SGCZ: variants seen among roughly 807,000 people sequenced by gnomAD.
SGCZ encodes the protein zeta-sarcoglycan.
SGCZ carries 40 observed loss-of-function variants against 41.3 expected under a neutral mutation model. The observed-to-expected ratio is 0.97, with a 90% confidence interval of 0.75 to 1.26. SGCZ has a LOEUF of 1.26. SGCZ is among the 50% of genes most tolerant of loss of function. The pLI is 0.00. For synonymous variants in SGCZ, 206 were observed against 137.5 expected, an observed-to-expected ratio of 1.50 and a Z score of -3.49; for missense variants, 552 against 369.8, an observed-to-expected ratio of 1.49 and a Z score of -4.04.
At chr8:14,926,093 C>A (rs569392604) in intron 1 of SGCZ, among the ~76,000 whole-genome samples, 1 of 152,138 alleles carries the variant, frequency 6.6e-6, no homozygotes, top group Non-Finnish European at 1.5e-5. Flanking sequence ...ATGTATAGGA[C>A]AATCCCTAAG....
intron 5 of SGCZ, among the ~76,000 whole-genome samples, chr8:14,109,909 T>C (rs1167542981): frequency 1.3e-5 from 2 of 152,194 alleles, no homozygotes; most frequent in East Asian, 3.8e-4. Flanking sequence ...CTAAAAGCTA[T>C]TGGCATTTGT....
intron 1 of SGCZ, among the ~76,000 whole-genome samples, chr8:15,114,455 T>C (rs773649237): frequency 6.6e-6 from 1 of 152,216 alleles, no homozygotes; most frequent in Admixed American, 6.6e-5. Flanking sequence ...CATTCTCTCT[T>C]TACAAATGTA....
chr8:15,162,893 G>C (rs1799555491), intron 1 of SGCZ, among the ~76,000 whole-genome samples: 1 of 152,190 alleles, frequency 6.6e-6, no homozygotes, highest in African/African-American at 2.4e-5. Context: ...TGCAGAAACA[G>C]TCTAAATAAC....
intron 5 of SGCZ, among the ~76,000 whole-genome samples, chr8:14,114,637 G>T (rs1802470335): frequency 6.6e-6 from 1 of 151,822 alleles, no homozygotes; most frequent in South Asian, 2.1e-4. Context: ...AAGAGATAAG[G>T]AAAAAGACTG....
chr8:14,581,813 C>CT (rs1804899349), intron 1 of SGCZ, among the ~76,000 whole-genome samples: 1 of 151,796 alleles, frequency 6.6e-6, no homozygotes, highest in African/African-American at 2.4e-5. Context: ...CTGAAGTATA[C>CT]TACTTCAAAA....
At chr8:14,957,034 C>A (rs548543956) in intron 1 of SGCZ, among the ~76,000 whole-genome samples, 1 of 152,034 alleles carries the variant, frequency 6.6e-6, no homozygotes, top group African/African-American at 2.4e-5. Context: ...AAAAAAACAA[C>A]CCTGGAATTT....
intron 2 of SGCZ, among the ~76,000 whole-genome samples, chr8:14,343,616 A>G (rs923227654): frequency 6.6e-6 from 1 of 152,196 alleles, no homozygotes; most frequent in Non-Finnish European, 1.5e-5. Flanking sequence ...GTGCTCAGTC[A>G]GGGGAAGGGG....
chr8:15,233,624 A>G (rs1214159132), intron 1 of SGCZ, among the ~76,000 whole-genome samples: 4 of 152,092 alleles, frequency 2.6e-5, no homozygotes, highest in Admixed American at 6.5e-5. Flanking sequence ...GCAGAGAAAA[A>G]TGAAGCAACA....
At chr8:14,244,341 C>T (rs899060714) in intron 3 of SGCZ, among the ~76,000 whole-genome samples, 1 of 152,036 alleles carries the variant, frequency 6.6e-6, no homozygotes. Flanking sequence ...CAAGTCATAT[C>T]AAATTATTAT....
chr8:14,655,218 A>T (rs1396592700), intron 1 of SGCZ, among the ~76,000 whole-genome samples: 2 of 152,054 alleles, frequency 1.3e-5, no homozygotes, highest in Non-Finnish European at 2.9e-5. Flanking sequence ...TTTGCCAGTA[A>T]CTTCTTAGTT....
At chr8:14,333,989 G>C (rs1404702444) in intron 2 of SGCZ, among the ~76,000 whole-genome samples, 3 of 152,064 alleles carry the variant, frequency 2.0e-5, no homozygotes, top group African/African-American at 4.8e-5. Context: ...AATGTGATCT[G>C]CTTTACGGGT....
At chr8:15,062,457 C>G (rs1804971160) in intron 1 of SGCZ, among the ~76,000 whole-genome samples, 1 of 152,114 alleles carries the variant, frequency 6.6e-6, no homozygotes, top group Admixed American at 6.6e-5. Flanking sequence ...TCCATTTCAC[C>G]ATTCCTATGC....
intron 1 of SGCZ, among the ~76,000 whole-genome samples, chr8:15,027,593 C>T (rs1367031475): frequency 6.6e-6 from 1 of 151,906 alleles, no homozygotes; most frequent in Non-Finnish European, 1.5e-5. Context: ...GTGGAGAAGT[C>T]ACACAATAGA....
In SGCZ at chr8:14,184,046, T is replaced by A. The variant is rs188224394; in HGVS notation, c.425-19344A>T. Among the ~76,000 whole-genome samples the A allele has an allele frequency of 5.3e-5, 8 of 152,310 alleles. No homozygotes were observed. The East Asian group carries it at 1.5e-3, about 29-fold the overall frequency. ...TTAGAAAACGAAAGGTAAATGATGC[T>A]ATGTGCATTATGCACAACAGAATTA... On this transcript the variant is annotated intron_variant, in intron 4 of 7. Coordinates refer to ENST00000382080, the MANE Select transcript of SGCZ (RefSeq NM_139167.4).
At chr8:15,112,015 C>T (rs943952107) in intron 1 of SGCZ, among the ~76,000 whole-genome samples, 3 of 152,198 alleles carry the variant, frequency 2.0e-5, no homozygotes, top group Admixed American at 6.5e-5. Flanking sequence ...GGACATACCA[C>T]ACTCAAGGCC....
intron 1 of SGCZ, among the ~76,000 whole-genome samples, chr8:14,812,359 T>C (rs1801762703): frequency 6.6e-6 from 1 of 152,132 alleles, no homozygotes; most frequent in African/African-American, 2.4e-5. Context: ...AATTTAATAT[T>C]CAAATTGCCT....
At chr8:14,197,018 A>G (rs1326638554) in intron 4 of SGCZ, among the ~76,000 whole-genome samples, 1 of 152,150 alleles carries the variant, frequency 6.6e-6, no homozygotes, top group Non-Finnish European at 1.5e-5. Context: ...AAATGATTCA[A>G]AATTGGATTG....
chr8:14,410,201 T>A (rs189224311), intron 2 of SGCZ, among the ~76,000 whole-genome samples: 10 of 152,218 alleles, frequency 6.6e-5, no homozygotes, highest in Admixed American at 5.2e-4. Flanking sequence ...GTGGAACATT[T>A]ATCCCGAAAC....
intron 1 of SGCZ, among the ~76,000 whole-genome samples, chr8:14,748,264 T>C (rs1799395758): frequency 6.6e-6 from 1 of 152,162 alleles, no homozygotes; most frequent in South Asian, 2.1e-4. Flanking sequence ...AGAATTTGAA[T>C]TTACAGTGAA....
Sources: gnomAD v4.1 joint callset for allele counts (sites outside exome capture counted in the v4.1 genomes callset) on GRCh38, gnomAD v4.1.1 for gene constraint, MANE v1.5 for transcripts, NCBI Gene and HGNC (gene_info 2026-07-23, HGNC 2026-07-21) for gene names.